Variants in CAV1 observed in about 807,000 individuals in gnomAD.
CAV1 encodes caveolin-1.
CAV1 carries 10 observed loss-of-function variants against 16.5 expected under a neutral mutation model. That is an observed-to-expected ratio of 0.61 (90% CI 0.37 to 1.03). The LOEUF is 1.03. Ranked by LOEUF, CAV1 falls within the 50% of genes least tolerant of loss-of-function variation. The probability of loss-of-function intolerance (pLI) is 0.01; values close to 1 mark genes in which losing one functional copy is unlikely to be tolerated. For missense variants in CAV1, 212 were observed against 232.8 expected, an observed-to-expected ratio of 0.91 and a Z score of 0.58; for synonymous variants, 76 against 85.1, an observed-to-expected ratio of 0.89 and a Z score of 0.59.
chr7:116,533,362 TAAAATAAAATAAAATAAAATAAAATAA>T (rs1342745609), intron 2 of CAV1, among the ~76,000 whole-genome samples: 23 of 58,136 alleles, frequency 4.0e-4, no homozygotes, highest in East Asian at 1.4e-3. Flanking sequence ...TAAAATAAAA[TAAAATAAAATAAAATAAAATAAAATAA>T]AATAAAATAA....
chr7:116,532,058 CA>C (rs1184044107), intron 2 of CAV1, among the ~76,000 whole-genome samples: 3 of 152,146 alleles, frequency 2.0e-5, no homozygotes, highest in Non-Finnish European at 2.9e-5. Flanking sequence ...TAACTGCAAT[CA>C]AAAAACTTCG....
chr7:116,555,125 C>T (rs1183319004), intron 2 of CAV1, among the ~76,000 whole-genome samples: 1 of 152,002 alleles, frequency 6.6e-6, no homozygotes, highest in African/African-American at 2.4e-5. Flanking sequence ...CTGTTAGTTC[C>T]TCTTATTACA....
In CAV1 at chr7:116,555,668, A is replaced by AAGAG. The variant is rs756619607; in HGVS notation, c.196-3262_196-3259dup. Reference sequence around the variant, plus strand: ...AGAAAGAAAAAGGAAGGAAGGAAGGAAGAGAGAGAGAGAGAGAGAAAGACC... The same window carrying AAGAG: ...AGAAAGAAAAAGGAAGGAAGGAAGGAAGAGAGAGAGAGAGAGAGAGAGAAAGACC... On this transcript the variant is annotated intron_variant, in intron 2 of 2. Coordinates refer to ENST00000341049, the MANE Select transcript of CAV1 (RefSeq NM_001753.5). 6.4e-3 allele frequency among the ~76,000 whole-genome samples: 932 copies of AAGAG among 146,604 alleles called. 16 individuals carry two copies. The highest frequency in any genetic ancestry group is 0.022 in the African/African-American group (884 of 39,810).
At chr7:116,555,406 T>C (rs1354407369) in intron 2 of CAV1, among the ~76,000 whole-genome samples, 1 of 144,964 alleles carries the variant, frequency 6.9e-6, no homozygotes, top group Non-Finnish European at 1.5e-5. Context: ...GCCGCTGCAC[T>C]CTAGCCTGGA....
rs1562838249 is a variant in CAV1, at chr7:116,555,523, AG to A, written c.196-3422del. On this transcript the variant is annotated intron_variant, in intron 2 of 2. Transcript: ENST00000341049. ...AAGAAAGAAAGAAAGAAAGAAAGAGAGAGAGAGAGAGAGAGAGAGAGAAAGA... is the reference window on the plus strand; with the variant it reads ...AAGAAAGAAAGAAAGAAAGAAAGAGAAGAGAGAGAGAGAGAGAGAGAAAGA... 4.1e-3 allele frequency among the ~76,000 whole-genome samples: 34 copies of A among 8,346 alleles called. 3 individuals carry two copies. The highest frequency in any genetic ancestry group is 5.3e-3 in the African/African-American group (16 of 3,006). The allele number at this position is 8,346 out of a possible 152,430, so 5.5% of individuals were successfully genotyped here. A position where few individuals can be genotyped will look rare whatever the true frequency, so the allele number is the denominator to read the frequency against.
At chr7:116,536,608 G>A (rs1319146554) in intron 2 of CAV1, among the ~76,000 whole-genome samples, 3 of 152,196 alleles carry the variant, frequency 2.0e-5, no homozygotes, top group Non-Finnish European at 2.9e-5. Flanking sequence ...CCAGAGCCAG[G>A]GATACTAGCA....
intron 2 of CAV1, among the ~76,000 whole-genome samples, chr7:116,555,688 A>G (rs1794282134): frequency 6.6e-6 from 1 of 150,414 alleles, no homozygotes. Context: ...GAGAGAGAGA[A>G]AGACCTAGTC....
At position 116,549,355 on chromosome 7, in the gene CAV1, T is replaced by C. The variant is rs547896871; in HGVS notation, c.196-9591T>C. Among the ~76,000 whole-genome samples, 284 of 152,270 alleles carry C rather than the reference T, an allele frequency of 1.9e-3. 2 individuals carry two copies. The highest frequency in any genetic ancestry group is 6.4e-3 in the African/African-American group (267 of 41,550). On this transcript the variant is annotated intron_variant, in intron 2 of 2. Coordinates refer to ENST00000341049, the MANE Select transcript of CAV1 (RefSeq NM_001753.5). ...AACCCAAACAAGCACAAAACATGCT[T>C]CAACCTATATTTTCTAAATTGTTTT... is the stretch of plus-strand genomic sequence containing the variant.
chr7:116,531,082 C>T (rs1793679168), intron 2 of CAV1, among the ~76,000 whole-genome samples: 2 of 152,278 alleles, frequency 1.3e-5, no homozygotes, highest in African/African-American at 4.8e-5. Flanking sequence ...CCAGGCTGGC[C>T]TCCAATTCCT....
chr7:116,553,805 T>C (rs1227533100), intron 2 of CAV1, among the ~76,000 whole-genome samples: 1 of 152,178 alleles, frequency 6.6e-6, no homozygotes. Flanking sequence ...AAACTGATGC[T>C]AAACATGAAC....
chr7:116,532,069 G>C (rs753112939), intron 2 of CAV1, among the ~76,000 whole-genome samples: 1 of 152,050 alleles, frequency 6.6e-6, no homozygotes, highest in Admixed American at 6.6e-5. Flanking sequence ...AAAAAACTTC[G>C]GTTTTAACTG....
At chr7:116,546,545 A>G (rs929186459) in intron 2 of CAV1, among the ~76,000 whole-genome samples, 1 of 151,708 alleles carries the variant, frequency 6.6e-6, no homozygotes, top group Non-Finnish European at 1.5e-5. Flanking sequence ...AAAAAAAAAA[A>G]AATTAGTCAG....
chr7:116,545,425 T>C (rs1794026396), intron 2 of CAV1, among the ~76,000 whole-genome samples: 3 of 152,262 alleles, frequency 2.0e-5, no homozygotes, highest in African/African-American at 4.8e-5. Flanking sequence ...TATAATGGGC[T>C]GTAATTATCC....
intron 2 of CAV1, among the ~76,000 whole-genome samples, chr7:116,552,913 G>C (rs537765540): frequency 2.0e-5 from 3 of 152,286 alleles, no homozygotes; most frequent in African/African-American, 7.2e-5. Context: ...GAATCCATCA[G>C]GATCCTGTTG....
At chr7:116,554,010 C>G (rs979968033) in intron 2 of CAV1, among the ~76,000 whole-genome samples, 3 of 152,170 alleles carry the variant, frequency 2.0e-5, no homozygotes, top group African/African-American at 7.2e-5. Context: ...GCCTGAATTG[C>G]AATCCTGTGC....
At chr7:116,550,778 A>C (rs891001467) in intron 2 of CAV1, among the ~76,000 whole-genome samples, 4 of 152,216 alleles carry the variant, frequency 2.6e-5, no homozygotes, top group East Asian at 1.9e-4. Context: ...TTTTTTAAAA[A>C]AAGCGTTTAC....
intron 2 of CAV1, among the ~76,000 whole-genome samples, chr7:116,528,354 G>A (rs1420712312): frequency 1.3e-5 from 2 of 152,186 alleles, no homozygotes; most frequent in African/African-American, 4.8e-5. Flanking sequence ...CAGGCTTGGA[G>A]GAAATAGCAG....
chr7:116,529,589 G>C (rs919880481), intron 2 of CAV1, among the ~76,000 whole-genome samples: 10 of 152,008 alleles, frequency 6.6e-5, no homozygotes, highest in Admixed American at 2.0e-4. Context: ...AAACTCTAGA[G>C]AAGAAATGAA....
intron 2 of CAV1, among the ~76,000 whole-genome samples, chr7:116,556,422 A>T (rs573648733): frequency 2.0e-5 from 3 of 152,318 alleles, no homozygotes; most frequent in East Asian, 3.9e-4. Context: ...TTTGAAAACC[A>T]TTTTTGTAAA....
Sources: allele counts gnomAD v4.1 joint callset (sites outside exome capture counted in the v4.1 genomes callset), GRCh38; gene constraint gnomAD v4.1.1; transcripts MANE v1.5; gene names NCBI Gene and HGNC (gene_info 2026-07-23, HGNC 2026-07-21).